Variants in NHSL1 observed in about 807,000 individuals in gnomAD.
NHSL1 encodes NHS like 1.
NHSL1 carries 48 observed loss-of-function variants against 95.0 expected under a neutral mutation model. The observed-to-expected ratio is 0.51, with a 90% CI of 0.40 to 0.64. The LOEUF (loss-of-function observed/expected upper bound fraction) is 0.64. Ranked by LOEUF, NHSL1 falls within the 30% of genes least tolerant of loss-of-function variation. NHSL1 has a pLI of 0.00. For synonymous variants in NHSL1, 783 were observed against 833.9 expected (o/e 0.94, Z 1.05); for missense variants, 1,971 against 2,077.7 (o/e 0.95, Z 1.00).
chr6:138,634,500 A>C (rs1390473883), intron 1 of NHSL1, among the ~76,000 whole-genome samples: 1 of 152,206 alleles, frequency 6.6e-6, no homozygotes, highest in Non-Finnish European at 1.5e-5. Flanking sequence ...CAATTCAGCA[A>C]GAGGATATAA....
chr6:138,517,144 C>T (rs1781493437), intron 1 of NHSL1, among the ~76,000 whole-genome samples: 1 of 152,220 alleles, frequency 6.6e-6, no homozygotes. Flanking sequence ...TTCTGCCTCT[C>T]TTAAGTGTGT....
chr6:138,684,104 C>T (rs1785551137), intron 1 of NHSL1, among the ~76,000 whole-genome samples: 1 of 151,102 alleles, frequency 6.6e-6, no homozygotes, highest in Non-Finnish European at 1.5e-5. Flanking sequence ...CCCAGCTACT[C>T]GGGAGGCTGA....
At chr6:138,592,490 A>G (rs943120653) in intron 1 of NHSL1, among the ~76,000 whole-genome samples, 4 of 152,094 alleles carry the variant, frequency 2.6e-5, no homozygotes, top group Non-Finnish European at 5.9e-5. Context: ...CCCAGCTACT[A>G]CAGTCTCAGG....
chr6:138,691,975 G>C (rs1286887470), intron 1 of NHSL1: 4 of 456,724 alleles, frequency 8.8e-6, no homozygotes, highest in Non-Finnish European at 1.8e-5. Context: ...ACAGGTAGGC[G>C]GCGGGAAGAG....
At chr6:138,544,423 C>T (rs1363011892) in intron 1 of NHSL1, among the ~76,000 whole-genome samples, 2 of 151,574 alleles carry the variant, frequency 1.3e-5, no homozygotes, top group Admixed American at 1.3e-4. Flanking sequence ...ATGTGATGTT[C>T]CTTTTTGTTC....
At chr6:138,499,162 C>CAGGG in intron 1 of NHSL1, 71 bp downstream of exon 1, 4 of 952,790 alleles carry the variant, frequency 4.2e-6, no homozygotes, top group Non-Finnish European at 4.8e-6. Flanking sequence ...CACACACAGA[C>CAGGG]ACACAGGGAC....
intron 1 of NHSL1, among the ~76,000 whole-genome samples, chr6:138,605,352 G>A (rs7752641): frequency 0.33 from 50,123 of 152,018 alleles, 8,596 homozygotes; most frequent in Middle Eastern, 0.46. Flanking sequence ...CAGCCTCCCG[G>A]GTGGCCAGGA....
At chr6:138,638,249 TA>T (rs565406624) in intron 1 of NHSL1, among the ~76,000 whole-genome samples, 1 of 151,986 alleles carries the variant, frequency 6.6e-6, no homozygotes, top group Non-Finnish European at 1.5e-5. Flanking sequence ...TTAATAGGTA[TA>T]AAAAAATAGA....
At position 138,578,027 on chromosome 6, in the gene NHSL1, G is replaced by A. The variant is rs568148002; in HGVS notation, c.97-81656C>T. Among the ~76,000 whole-genome samples, 131 of 152,240 alleles carry A rather than the reference G, an allele frequency of 8.6e-4. 2 individuals carry two copies. The highest frequency in any genetic ancestry group is 3.1e-3 in the African/African-American group (130 of 41,556). ...CGCAGCTAATTACCTAATCAGCGCC[G>A]GCCCCGTTTTCAGGTTGCCCTCAAC... On this transcript the variant is annotated intron_variant, in intron 1 of 3. Coordinates refer to the NHSL1 transcript ENST00000491526.
chr6:138,668,048 G>T (rs147927443), intron 1 of NHSL1, among the ~76,000 whole-genome samples: 111 of 151,886 alleles, frequency 7.3e-4, no homozygotes, highest in African/African-American at 2.6e-3. Flanking sequence ...CACTCAGAAA[G>T]AATTCATTTT....
At chr6:138,551,126 T>C (rs187173924) in intron 1 of NHSL1, among the ~76,000 whole-genome samples, 3 of 152,360 alleles carry the variant, frequency 2.0e-5, no homozygotes, top group Admixed American at 2.0e-4. Flanking sequence ...GTTATAGTTA[T>C]GTTGTTAATC....
In NHSL1 at chr6:138,444,702, T is replaced by C. The variant is rs556356807; in HGVS notation, c.532+2299A>G. 7.9e-5 allele frequency among the ~76,000 whole-genome samples: 12 copies of C among 152,190 alleles called. No homozygotes were observed. In the East Asian group the frequency reaches 1.7e-3, roughly 22 times the overall value. ...TTTTCTTTTTTTAATCTCAAATATC[T>C]TCTAGGACTTTAGAAATACATAATT... On this transcript the variant is annotated intron_variant, in intron 4 of 7. Coordinates refer to ENST00000343505, the MANE Select transcript of NHSL1 (RefSeq NM_001144060.2).
chr6:138,535,507 T>G (rs1016767859), intron 1 of NHSL1, among the ~76,000 whole-genome samples: 1 of 152,086 alleles, frequency 6.6e-6, no homozygotes, highest in Non-Finnish European at 1.5e-5. Flanking sequence ...AAGGCTGCAG[T>G]GAGCCATAAT....
At chr6:138,503,194 AC>A (rs1447192309), upstream of NHSL1, among the ~76,000 whole-genome samples, 2 of 152,196 alleles carry the variant, frequency 1.3e-5, no homozygotes, top group Admixed American at 6.5e-5. Context: ...TTAATCATAT[AC>A]TTCCAACCAC....
intron 1 of NHSL1, among the ~76,000 whole-genome samples, chr6:138,589,062 G>C (rs1047754665): frequency 6.6e-6 from 1 of 152,170 alleles, no homozygotes; most frequent in African/African-American, 2.4e-5. Flanking sequence ...GACCATCAGG[G>C]AGGGAGTATT....
At chr6:138,480,204 C>G (rs1779330307) in intron 2 of NHSL1, among the ~76,000 whole-genome samples, 5 of 152,220 alleles carry the variant, frequency 3.3e-5, no homozygotes, top group Admixed American at 3.3e-4. Flanking sequence ...GCATACTAAA[C>G]TCCTGCAAAT....
At chr6:138,625,545 A>T (rs923662327) in intron 1 of NHSL1, among the ~76,000 whole-genome samples, 40 of 151,924 alleles carry the variant, frequency 2.6e-4, no homozygotes, top group African/African-American at 9.4e-4. Flanking sequence ...CCTAGACAGT[A>T]GCAATTTTAT....
chr6:138,572,575 CGG>C (rs1783880099), upstream of NHSL1: 1 of 152,240 alleles, frequency 6.6e-6, no homozygotes, highest in African/African-American at 2.4e-5. Flanking sequence ...ACAATAAAAC[CGG>C]CTGCGTGGCT....
intron 1 of NHSL1, among the ~76,000 whole-genome samples, chr6:138,511,362 G>T (rs922117693): frequency 6.6e-5 from 10 of 151,998 alleles, no homozygotes; most frequent in African/African-American, 2.2e-4. Flanking sequence ...AAGAAAAAAG[G>T]TGAGGTAGAC....
Sources: allele counts gnomAD v4.1 joint callset (sites outside exome capture counted in the v4.1 genomes callset), GRCh38; gene constraint gnomAD v4.1.1; transcripts MANE v1.5; gene names NCBI Gene and HGNC (gene_info 2026-07-23, HGNC 2026-07-21).